The following COL8A1 variants were observed in gnomAD, a reference collection of about 807,000 sequenced individuals.
COL8A1 encodes the protein collagen type VIII alpha 1 chain, also known as collagen alpha-1(VIII) chain.
In COL8A1, 21 loss-of-function variants were observed where a neutral mutation model predicts 42.7. The observed-to-expected ratio is 0.49, with a 90% CI of 0.35 to 0.71. The LOEUF (loss-of-function observed/expected upper bound fraction) is 0.71, where lower values mean the gene tolerates loss of function less well. COL8A1 is among the 30% of genes least tolerant of loss of function. COL8A1 has a pLI of 0.01. For missense variants in COL8A1, 788 were observed against 962.4 expected (o/e 0.82, Z 2.40); for synonymous variants, 367 against 369.1 (o/e 0.99, Z 0.06).
At chr3:99,638,803 C>A (rs1937446426) in intron 1 of COL8A1, 139 bp downstream of exon 1, 1 of 152,236 alleles carries the variant, frequency 6.6e-6, no homozygotes, top group Non-Finnish European at 1.5e-5. Context: ...TAACTAGCAA[C>A]TGGTTTGAAA....
chr3:99,706,152 A>C (rs1184243722), intron 1 of COL8A1, among the ~76,000 whole-genome samples: 1 of 151,880 alleles, frequency 6.6e-6, no homozygotes, highest in African/African-American at 2.4e-5. Context: ...GTACAACCTC[A>C]CCCTACTCCA....
At chr3:99,679,140 T>A (rs540834055) in intron 1 of COL8A1, 1 of 152,250 alleles carries the variant, frequency 6.6e-6, no homozygotes, top group East Asian at 1.9e-4. Context: ...AGATTGTTTC[T>A]TTCTGAGCCA....
intron 1 of COL8A1, among the ~76,000 whole-genome samples, chr3:99,718,162 T>C (rs1940054149): frequency 6.6e-6 from 1 of 152,034 alleles, no homozygotes; most frequent in South Asian, 2.1e-4. Flanking sequence ...TCCCCAAGAC[T>C]AGTCCACACA....
At chr3:99,656,055 T>C (rs576071382) in intron 1 of COL8A1, among the ~76,000 whole-genome samples, 5 of 152,368 alleles carry the variant, frequency 3.3e-5, no homozygotes, top group East Asian at 1.9e-4. Context: ...CAGCTAATTA[T>C]AAATTTATTG....
intron 1 of COL8A1, among the ~76,000 whole-genome samples, chr3:99,664,602 C>G (rs1424740068): frequency 1.3e-5 from 2 of 152,242 alleles, no homozygotes; most frequent in African/African-American, 4.8e-5. Flanking sequence ...GCTCAGTGCC[C>G]TGTTGCAGAT....
intron 1 of COL8A1, among the ~76,000 whole-genome samples, chr3:99,647,121 T>G (rs1318433082): frequency 6.6e-6 from 1 of 152,242 alleles, no homozygotes; most frequent in East Asian, 1.9e-4. Context: ...CACAGAAATT[T>G]TTATATGCTA....
chr3:99,714,425 C>T lies in COL8A1; in HGVS notation c.-128-30472C>T, dbSNP rs145333098. Among the ~76,000 whole-genome samples the T allele has an allele frequency of 2.6e-5, 4 of 152,238 alleles. No homozygotes were observed. The East Asian group carries it at 7.7e-4, about 29-fold the overall frequency. On this transcript the variant is annotated intron_variant, in intron 1 of 3. Coordinates refer to ENST00000652472, the MANE Select transcript of COL8A1 (RefSeq NM_020351.4). Reference sequence around the variant, plus strand: ...TAAAGTTCCCAGATTCTCAAGGAAACAAGTGACTCATGGAGCTCTTGATTT... The same window carrying T: ...TAAAGTTCCCAGATTCTCAAGGAAATAAGTGACTCATGGAGCTCTTGATTT...
intron 1 of COL8A1, among the ~76,000 whole-genome samples, chr3:99,638,997 T>C (rs905871081): frequency 4.6e-5 from 7 of 152,308 alleles, no homozygotes; most frequent in Admixed American, 2.6e-4. Flanking sequence ...CACACATCAG[T>C]GGGGGCAAGG....
At chr3:99,715,712 T>C (rs145637728) in intron 1 of COL8A1, among the ~76,000 whole-genome samples, 71 of 152,174 alleles carry the variant, frequency 4.7e-4, no homozygotes, top group African/African-American at 1.5e-3. Context: ...TAATTTTTTT[T>C]CTAGAATATA....
chr3:99,647,567 CT>C (rs1937686855), intron 1 of COL8A1, among the ~76,000 whole-genome samples: 1 of 152,042 alleles, frequency 6.6e-6, no homozygotes, highest in African/African-American at 2.4e-5. Context: ...TTGTCTCTTC[CT>C]TTCCATCCCA....
In COL8A1 at chr3:99,798,669, CAT is replaced by C. The variant is rs1491102370; in HGVS notation, c.*2534_*2535del. ...GAGCGCACGTGTGTGTATGCGTGCG[CAT>C]GTGTGTGTATGTGTATTATCAGACA... is the stretch of plus-strand genomic sequence containing the variant. On this transcript the variant is annotated 3_prime_UTR_variant, in exon 4 of 4. Coordinates refer to ENST00000652472, the MANE Select transcript of COL8A1 (RefSeq NM_020351.4). 3.9e-5 allele frequency: 6 copies of C among 151,970 alleles called. No individual in the cohort carries two copies. In the Admixed American group the frequency reaches 3.9e-4, roughly 10 times the overall value. The allele number at this position is 151,970 out of a possible 1,614,324, so 9.4% of individuals were successfully genotyped here.
intron 1 of COL8A1, among the ~76,000 whole-genome samples, chr3:99,675,878 A>G (rs1037825215): frequency 6.6e-6 from 1 of 152,128 alleles, no homozygotes; most frequent in Non-Finnish European, 1.5e-5. Flanking sequence ...GAGATAAAAA[A>G]GAGTGTGTGA....
chr3:99,695,733 C>T lies in COL8A1; in HGVS notation c.-128-49164C>T, dbSNP rs548071128. On this transcript the variant is annotated intron_variant, in intron 1 of 3. Transcript: ENST00000652472. ...TTCCTTCTTTTTAACATGTATTGCA[C>T]AAAATATAGGCTCTGTAGAGCAGGA... Among the ~76,000 whole-genome samples the T allele has an allele frequency of 2.0e-5, 3 of 152,206 alleles. No homozygotes were observed. In the East Asian group the frequency reaches 5.8e-4, roughly 29 times the overall value.
At chr3:99,658,376 C>T (rs17777354) in intron 1 of COL8A1, among the ~76,000 whole-genome samples, 14,447 of 152,190 alleles carry the variant, frequency 0.095, 848 homozygotes, top group Middle Eastern at 0.12. Flanking sequence ...GCCTTCTCAT[C>T]GCCTCTTAAC....
chr3:99,698,466 T>C (rs934018815), intron 1 of COL8A1, among the ~76,000 whole-genome samples: 3 of 152,216 alleles, frequency 2.0e-5, no homozygotes, highest in African/African-American at 7.2e-5. Context: ...AATACAAATA[T>C]TTATGTAAGA....
chr3:99,754,388 C>A (rs114616996), intron 2 of COL8A1, among the ~76,000 whole-genome samples: 1 of 151,308 alleles, frequency 6.6e-6, no homozygotes, highest in Admixed American at 6.6e-5. Flanking sequence ...CCACTGAATG[C>A]GATCACAAGA....
At chr3:99,766,981 G>A (rs1941476676) in intron 2 of COL8A1, among the ~76,000 whole-genome samples, 2 of 151,980 alleles carry the variant, frequency 1.3e-5, no homozygotes, top group Non-Finnish European at 2.9e-5. Flanking sequence ...TCTAGGGGAG[G>A]GGGACTCTCA....
At chr3:99,656,413 G>T (rs910338555) in intron 1 of COL8A1, among the ~76,000 whole-genome samples, 2 of 151,242 alleles carry the variant, frequency 1.3e-5, no homozygotes, top group African/African-American at 4.9e-5. Context: ...TTAAGTTTGT[G>T]CTTTCTTTTC....
chr3:99,747,812 TAAAATAAAAAGACTTTTA>T (rs1349514737), intron 2 of COL8A1, among the ~76,000 whole-genome samples: 1 of 152,196 alleles, frequency 6.6e-6, no homozygotes, highest in African/African-American at 2.4e-5. Flanking sequence ...CTCAATTTTT[TAAAATAAAAAGACTTTTA>T]AAAATAAAAA....
Sources: allele counts gnomAD v4.1 joint callset (sites outside exome capture counted in the v4.1 genomes callset), GRCh38; gene constraint gnomAD v4.1.1; transcripts MANE v1.5; gene names NCBI Gene and HGNC (gene_info 2026-07-23, HGNC 2026-07-21).